The following PRUNE2 variants were observed in gnomAD, a reference collection of about 807,000 sequenced individuals.
PRUNE2 encodes the protein prune homolog 2 with BCH domain.
In PRUNE2, 164 loss-of-function variants were observed where a neutral mutation model predicts 252.0. That is an observed-to-expected ratio of 0.65 (90% confidence interval 0.57 to 0.74). The LOEUF is 0.74. Ranked by LOEUF, PRUNE2 falls within the 30% of genes least tolerant of loss-of-function variation. The pLI is 0.00. For missense variants in PRUNE2, 3,495 were observed against 3,711.0 expected, an observed-to-expected ratio of 0.94 and a Z score of 1.51; for synonymous variants, 1,292 against 1,350.2, an observed-to-expected ratio of 0.96 and a Z score of 0.94.
intron 12 of PRUNE2, among the ~76,000 whole-genome samples, chr9:76,642,527 A>G (rs1268839692): frequency 6.6e-6 from 1 of 152,210 alleles, no homozygotes; most frequent in Non-Finnish European, 1.5e-5. Flanking sequence ...TTTGGCACAG[A>G]GCACTGTGTA....
intron 16 of PRUNE2, chr9:76,628,015 C>A (rs956907152): frequency 5.5e-6 from 1 of 181,836 alleles, no homozygotes; most frequent in South Asian, 8.5e-5. Flanking sequence ...GAATCCCAAA[C>A]GAGAGGTACA....
At chr9:76,631,842 T>A (rs1837778252) in intron 15 of PRUNE2, among the ~76,000 whole-genome samples, 1 of 152,216 alleles carries the variant, frequency 6.6e-6, no homozygotes, top group African/African-American at 2.4e-5. Context: ...CCTCTAGTAG[T>A]CCCTGGTGTC....
intron 6 of PRUNE2, among the ~76,000 whole-genome samples, chr9:76,726,352 G>A (rs2048099673): frequency 6.6e-6 from 1 of 152,136 alleles, no homozygotes; most frequent in South Asian, 2.1e-4. Context: ...CCATAGGTGG[G>A]CACTTTAGAC....
intron 5 of PRUNE2, among the ~76,000 whole-genome samples, chr9:76,826,372 G>A (rs559662741): frequency 6.6e-6 from 1 of 152,304 alleles, no homozygotes; most frequent in East Asian, 1.9e-4. Flanking sequence ...CTACTTGGGA[G>A]ACAGGCATGA....
Position 76,777,823 on chromosome 9 carries a change from G to A in PRUNE2, c.756+45809C>T, listed in dbSNP as rs2053964489. On this transcript the variant is annotated intron_variant, in intron 6 of 18. Coordinates refer to ENST00000376718, the MANE Select transcript of PRUNE2 (RefSeq NM_015225.3). ...AGATGTCACCATTTACATGACATTT[G>A]AGCAGAGAATTGAAATAAGTTCAGG... Among the ~76,000 whole-genome samples, 3 of 152,286 alleles carry A rather than the reference G, an allele frequency of 2.0e-5. No individual in the cohort carries two copies. In the South Asian group the frequency reaches 6.2e-4, roughly 32 times the overall value.
chr9:76,877,289 A>G (rs7038476), intron 1 of PRUNE2, among the ~76,000 whole-genome samples: 22,264 of 151,938 alleles, frequency 0.15, 5,136 homozygotes, highest in African/African-American at 0.49. Flanking sequence ...CAGATTGTCT[A>G]AGCTCAGGAG....
intron 7 of PRUNE2, among the ~76,000 whole-genome samples, chr9:76,711,677 C>T (rs1259316116): frequency 2.0e-5 from 3 of 152,030 alleles, no homozygotes; most frequent in East Asian, 3.9e-4. Context: ...CAATGTAATT[C>T]GAGTTGCAAA....
chr9:76,898,155 G>A (rs7036140), intron 1 of PRUNE2, among the ~76,000 whole-genome samples: 27,359 of 152,180 alleles, frequency 0.18, 2,915 homozygotes, highest in African/African-American at 0.29. Context: ...ATGATTAGCC[G>A]CCCGGCTGTA....
chr9:76,663,425 T>C (rs1284383806), intron 9 of PRUNE2, among the ~76,000 whole-genome samples: 1 of 152,164 alleles, frequency 6.6e-6, no homozygotes, highest in East Asian at 1.9e-4. Context: ...CTTTAGGGAA[T>C]GTGCAAAACT....
intron 4 of PRUNE2, among the ~76,000 whole-genome samples, chr9:76,830,780 A>G (rs567621243): frequency 6.6e-6 from 1 of 152,176 alleles, no homozygotes; most frequent in African/African-American, 2.4e-5. Flanking sequence ...GAGAAAAAAT[A>G]AAAATTAAAC....
chr9:76,771,123 ATAT>A (rs2053053007), intron 6 of PRUNE2, among the ~76,000 whole-genome samples: 1 of 152,168 alleles, frequency 6.6e-6, no homozygotes, highest in African/African-American at 2.4e-5. Context: ...TTCTAAAGAA[ATAT>A]TATATAAATT....
rs766529199 is a variant in PRUNE2 at position 76,823,749 on chromosome 9, AC to A, written c.662-24del. ...AACCTGTGGATGACAGGAAAAAAAA[AC>A]ATTATGTTATACTTGAGGGATTTTT... On this transcript the variant is annotated intron_variant, in intron 5 of 18. Coordinates refer to ENST00000376718, the MANE Select transcript of PRUNE2 (RefSeq NM_015225.3). The A allele has an allele frequency of 5.6e-5, 80 of 1,429,718 alleles. 1 individual carries two copies. In the Admixed American group the frequency reaches 1.1e-3, roughly 20 times the overall value. The allele number at this position is 1,429,718 out of a possible 1,614,324, so 88.6% of individuals were successfully genotyped here.
intron 3 of PRUNE2, among the ~76,000 whole-genome samples, chr9:76,847,776 T>C (rs1183909917): frequency 1.3e-5 from 2 of 152,260 alleles, no homozygotes; most frequent in African/African-American, 4.8e-5. Flanking sequence ...TTCTATTTAT[T>C]TTTGAAAAGC....
intron 16 of PRUNE2, among the ~76,000 whole-genome samples, chr9:76,625,542 TATTTTC>T (rs2132166740): frequency 6.6e-6 from 1 of 152,370 alleles, no homozygotes; most frequent in East Asian, 1.9e-4. Context: ...GGGGAAATCT[TATTTTC>T]ATTAGAAAAC....
intron 6 of PRUNE2, chr9:76,778,507 T>C (rs898493862): frequency 2.0e-5 from 3 of 152,196 alleles, no homozygotes; most frequent in East Asian, 1.9e-4. Flanking sequence ...AGGAGATCAG[T>C]TGGAGCAAGC....
At chr9:76,854,393 T>C (rs1475207349) in intron 1 of PRUNE2, among the ~76,000 whole-genome samples, 185 bp from the exon 2 acceptor site, 2 of 152,236 alleles carry the variant, frequency 1.3e-5, no homozygotes, top group Non-Finnish European at 2.9e-5. Context: ...CTCTGAAATA[T>C]TCACTCAAAC....
At chr9:76,691,950 T>C in intron 9 of PRUNE2, 1 of 652,998 alleles carries the variant, frequency 1.5e-6, no homozygotes, top group South Asian at 1.8e-5. Context: ...CATCCTCTCA[T>C]CCCCCTCCCG....
At chr9:76,618,370 G>C (rs1283459449) in intron 18 of PRUNE2, among the ~76,000 whole-genome samples, 2 of 152,218 alleles carry the variant, frequency 1.3e-5, no homozygotes, top group African/African-American at 4.8e-5. Flanking sequence ...TGACAATAGA[G>C]ATGAGACACA....
At position 76,637,492 on chromosome 9, in the gene PRUNE2, C is replaced by A; in HGVS notation, c.8889G>T (p.Leu2963Phe). ...MVAEDYMIVY[L>F]NGATPRRRMP... ...TCCTCCTTCTTGGGGTTGCACCATT[C>A]AAGTACACAATCATATAGTCTTCAG... The change falls in exon 14 of 19, where the codon TTG (leucine) becomes TTT (phenylalanine). Residue 2963 changes from leucine (L) to phenylalanine (F), a missense_variant. Physicochemically the swap from Leu to Phe is conservative, Grantham distance 22. Coordinates refer to ENST00000376718, the MANE Select transcript of PRUNE2 (RefSeq NM_015225.3). 6.2e-7 allele frequency: 1 copy of A among 1,613,396 alleles called. No individual in the cohort carries two copies. The highest frequency in any genetic ancestry group is 8.5e-7 in the Non-Finnish European group (1 of 1,179,550).
Sources: allele counts gnomAD v4.1 joint callset (sites outside exome capture counted in the v4.1 genomes callset), GRCh38; gene constraint gnomAD v4.1.1; transcripts MANE v1.5; gene names NCBI Gene and HGNC (gene_info 2026-07-23, HGNC 2026-07-21).